MSRA: variants seen among roughly 807,000 people sequenced by gnomAD.
MSRA encodes methionine sulfoxide reductase A.
MSRA carries 54 observed loss-of-function variants against 31.3 expected under a neutral mutation model. The observed-to-expected ratio is 1.73, with a 90% CI of 1.39 to 2.17. The LOEUF is 2.17. Among genes scored for constraint, MSRA ranks in the 30% most tolerant of loss-of-function variants. MSRA has a pLI of 0.00. For synonymous variants in MSRA, 169 were observed against 116.5 expected (o/e 1.45, Z -2.90); for missense variants, 507 against 300.9 (o/e 1.69, Z -5.07).
At chr8:10,197,507 G>T (rs1160718441) in intron 1 of MSRA, among the ~76,000 whole-genome samples, 1 of 152,066 alleles carries the variant, frequency 6.6e-6, no homozygotes, top group African/African-American at 2.4e-5. Context: ...ATTGCGGGCT[G>T]GTGAAGGCTG....
chr8:10,285,958 C>T (rs1408781919), intron 3 of MSRA, among the ~76,000 whole-genome samples: 1 of 151,976 alleles, frequency 6.6e-6, no homozygotes, highest in Admixed American at 6.6e-5. Context: ...TGGCCTAAAC[C>T]AGTTTGGGAA....
chr8:10,197,003 A>G (rs1370503940), intron 1 of MSRA, among the ~76,000 whole-genome samples: 3 of 152,244 alleles, frequency 2.0e-5, no homozygotes, highest in African/African-American at 4.8e-5. Context: ...TTAGTATAAA[A>G]CAAATTCCTT....
intron 5 of MSRA, among the ~76,000 whole-genome samples, chr8:10,342,753 A>C (rs1254297115): frequency 1.3e-5 from 2 of 152,188 alleles, no homozygotes; most frequent in Admixed American, 1.3e-4. Context: ...CGTGGGTGCC[A>C]AGCTCAGTTA....
intron 1 of MSRA, among the ~76,000 whole-genome samples, chr8:10,125,854 C>T (rs1282936267): frequency 1.3e-5 from 2 of 152,180 alleles, no homozygotes; most frequent in African/African-American, 4.8e-5. Context: ...TTACTCACAA[C>T]AATGCGTCAT....
At chr8:10,176,716 G>A (rs1354020003) in intron 1 of MSRA, among the ~76,000 whole-genome samples, 2 of 152,160 alleles carry the variant, frequency 1.3e-5, no homozygotes, top group African/African-American at 2.4e-5. Flanking sequence ...CCAGACTTAC[G>A]AAGTGAACTG....
intron 1 of MSRA, among the ~76,000 whole-genome samples, chr8:10,150,171 A>G (rs1037123207): frequency 6.6e-6 from 1 of 152,088 alleles, no homozygotes. Flanking sequence ...GGAAAAGTAC[A>G]GTGCCTCGTG....
At chr8:10,057,903 A>G (rs1475518563) in intron 1 of MSRA, among the ~76,000 whole-genome samples, 1 of 152,226 alleles carries the variant, frequency 6.6e-6, no homozygotes, top group Non-Finnish European at 1.5e-5. Flanking sequence ...AGCAGTGTGA[A>G]AACAGACTAA....
intron 5 of MSRA, among the ~76,000 whole-genome samples, chr8:10,368,319 A>C (rs1805282451): frequency 6.6e-6 from 1 of 152,246 alleles, no homozygotes; most frequent in Non-Finnish European, 1.5e-5. Flanking sequence ...GGAGAATCCA[A>C]ATTTATTTTA....
intron 1 of MSRA, among the ~76,000 whole-genome samples, chr8:10,171,933 T>A (rs190602411): frequency 4.6e-5 from 7 of 152,352 alleles, no homozygotes; most frequent in Non-Finnish European, 7.4e-5. Context: ...GAATGCACTA[T>A]GTGAAGTCTG....
At chr8:10,161,413 A>T (rs557323627) in intron 1 of MSRA, among the ~76,000 whole-genome samples, 1 of 152,226 alleles carries the variant, frequency 6.6e-6, no homozygotes, top group Non-Finnish European at 1.5e-5. Context: ...AGCACTGCTG[A>T]ATTTGATTTA....
At position 10,343,020 on chromosome 8, in the gene MSRA, TACACACAC is replaced by T. The variant is rs572591443; in HGVS notation, c.543+23057_543+23064del. Among the ~76,000 whole-genome samples, 382 of 132,728 alleles carry T rather than the reference TACACACAC, an allele frequency of 2.9e-3. 3 individuals are homozygous for T. The highest frequency in any genetic ancestry group is 7.6e-3 in the African/African-American group (271 of 35,796). The allele number at this position is 132,728 out of a possible 152,430, so 87.1% of individuals were successfully genotyped here. ...AGGAACTGGCATCTTGCATAAGCATTACACACACACACACACACACACACACACACACA... is the reference window on the plus strand; with the variant it reads ...AGGAACTGGCATCTTGCATAAGCATTACACACACACACACACACACACACA... On this transcript the variant is annotated intron_variant, in intron 5 of 5. Coordinates refer to ENST00000317173, the MANE Select transcript of MSRA (RefSeq NM_012331.5).
chr8:10,131,560 G>A (rs1205410929), intron 1 of MSRA, among the ~76,000 whole-genome samples: 8 of 152,154 alleles, frequency 5.3e-5, no homozygotes, highest in Admixed American at 3.9e-4. Flanking sequence ...GAATGATCCT[G>A]GATTTACTGC....
At chr8:10,172,974 G>A (rs921606175) in intron 1 of MSRA, among the ~76,000 whole-genome samples, 2 of 152,210 alleles carry the variant, frequency 1.3e-5, no homozygotes. Flanking sequence ...ACAGATTGGA[G>A]CAAAGTGAGG....
At chr8:10,346,970 C>G (rs2129155088) in intron 5 of MSRA, among the ~76,000 whole-genome samples, 1 of 152,280 alleles carries the variant, frequency 6.6e-6, no homozygotes, top group South Asian at 2.1e-4. Context: ...CACCATTCCC[C>G]CAACTGAAGG....
intron 1 of MSRA, among the ~76,000 whole-genome samples, chr8:10,084,033 G>A (rs1434484474): frequency 6.6e-6 from 1 of 152,216 alleles, no homozygotes; most frequent in Non-Finnish European, 1.5e-5. Context: ...TTTTGGAAGT[G>A]AAATGTGCAA....
intron 3 of MSRA, among the ~76,000 whole-genome samples, chr8:10,279,724 C>T (rs541533892): frequency 3.3e-5 from 5 of 152,318 alleles, no homozygotes; most frequent in East Asian, 1.9e-4. Flanking sequence ...TATTGAGCAA[C>T]GTCTGACACC....
chr8:10,400,996 C>T (rs1205734225), intron 5 of MSRA, among the ~76,000 whole-genome samples: 1 of 152,070 alleles, frequency 6.6e-6, no homozygotes, highest in Non-Finnish European at 1.5e-5. Flanking sequence ...GGAGTTGGTA[C>T]TGGTGTCTTG....
chr8:10,058,388 C>G (rs1157186603), intron 1 of MSRA, among the ~76,000 whole-genome samples: 2 of 152,124 alleles, frequency 1.3e-5, no homozygotes, highest in East Asian at 1.9e-4. Flanking sequence ...TGTTAGGAGA[C>G]TACTGAACTC....
intron 1 of MSRA, among the ~76,000 whole-genome samples, chr8:10,067,953 G>C (rs1797545647): frequency 7.4e-6 from 1 of 135,266 alleles, no homozygotes; most frequent in African/African-American, 2.7e-5. Flanking sequence ...GTGCGATCTT[G>C]GCTCACCACA....
Sources: allele counts gnomAD v4.1 joint callset (sites outside exome capture counted in the v4.1 genomes callset), GRCh38; gene constraint gnomAD v4.1.1; transcripts MANE v1.5; gene names NCBI Gene and HGNC (gene_info 2026-07-23, HGNC 2026-07-21).